The following ADAM12 variants were observed in gnomAD, a reference collection of about 807,000 sequenced individuals.
ADAM12 encodes the protein disintegrin and metalloproteinase domain-containing protein 12.
A neutral mutation model predicts 106.4 loss-of-function variants in ADAM12; 70 were observed. The observed-to-expected ratio is 0.66, with a 90% CI of 0.54 to 0.80. ADAM12 has a LOEUF of 0.80. Among genes scored for constraint, ADAM12 ranks in the 30% least tolerant of loss-of-function variants. The probability of loss-of-function intolerance (pLI) is 0.00; values close to 1 mark genes in which losing one functional copy is unlikely to be tolerated. For missense variants in ADAM12, 1,010 were observed against 1,171.9 expected (o/e 0.86, Z 2.02); for synonymous variants, 420 against 433.5 (o/e 0.97, Z 0.39).
chr10:126,144,775 T>G (rs987077448), intron 4 of ADAM12, among the ~76,000 whole-genome samples: 2 of 152,160 alleles, frequency 1.3e-5, no homozygotes, highest in Non-Finnish European at 2.9e-5. Flanking sequence ...TGGTACAGCG[T>G]GGGGAAGAAC....
intron 2 of ADAM12, among the ~76,000 whole-genome samples, chr10:126,326,230 A>G (rs1433363468): frequency 6.6e-6 from 1 of 151,278 alleles, no homozygotes; most frequent in Non-Finnish European, 1.5e-5. Context: ...AGAAATCTGC[A>G]TGGACCTGCC....
intron 2 of ADAM12, among the ~76,000 whole-genome samples, chr10:126,289,920 C>T (rs1960070113): frequency 6.6e-6 from 1 of 152,158 alleles, no homozygotes. Flanking sequence ...GATGTGCTAA[C>T]CCTTGGAATG....
At chr10:126,181,955 C>A (rs1368202503) in intron 3 of ADAM12, among the ~76,000 whole-genome samples, 1 of 152,152 alleles carries the variant, frequency 6.6e-6, no homozygotes, top group Non-Finnish European at 1.5e-5. Flanking sequence ...TAGTCTGCTG[C>A]CTACACAATG....
rs771332764 is a variant in ADAM12, at chr10:126,036,230, C to T, written c.2445G>A (p.Val815=). ...GTGGAGCCCGGTGGAGGGGAGGAAG[C>T]ACTCGCTGAGTTGACTGGGGCTGAG... The part of the protein sequence containing the change: ...NVPQPQSTQR[V]LPPLHRAPRA... Residue 815 remains valine, a synonymous_variant, in exon 21 of 23, where the codon GTG becomes GTA. Transcript: ENST00000448723. The T allele has an allele frequency of 6.5e-7, 1 of 1,550,012 alleles. No individual in the cohort carries two copies. The highest frequency in any genetic ancestry group is 1.4e-5 in the African/African-American group (1 of 70,750).
At chr10:126,253,039 T>G (rs1958817303) in intron 3 of ADAM12, among the ~76,000 whole-genome samples, 1 of 152,242 alleles carries the variant, frequency 6.6e-6, no homozygotes, top group Admixed American at 6.5e-5. Flanking sequence ...TTATAGCTAC[T>G]GTCACATAAC....
At chr10:126,182,916 C>A (rs1957339624) in intron 3 of ADAM12, among the ~76,000 whole-genome samples, 1 of 152,242 alleles carries the variant, frequency 6.6e-6, no homozygotes, top group South Asian at 2.1e-4. Flanking sequence ...CGATACCTGT[C>A]CGTGGCCTGT....
intron 3 of ADAM12, among the ~76,000 whole-genome samples, chr10:126,251,627 T>G (rs1219252515): frequency 1.3e-5 from 1 of 75,216 alleles, no homozygotes; most frequent in African/African-American, 4.9e-5. Flanking sequence ...GATAGATGAA[T>G]GGATGGGATG....
rs576673017 is a variant in ADAM12, at chr10:126,142,281, C to A, written c.340-6621G>T. Among the ~76,000 whole-genome samples the A allele has an allele frequency of 2.1e-4, 32 of 152,158 alleles. No individual in the cohort carries two copies. The South Asian group carries it at 4.4e-3, about 21-fold the overall frequency. On this transcript the variant is annotated intron_variant, in intron 4 of 22. Transcript: ENST00000448723. ...TCTCACAGCCTTCAGAGCTGAGAGC[C>A]CTGAACAGAGATTTACCCACGTATT...
chr10:126,120,979 A>ATATGCC, intron 5 of ADAM12, among the ~76,000 whole-genome samples: 1 of 134,842 alleles, frequency 7.4e-6, no homozygotes, highest in Non-Finnish European at 1.5e-5. Flanking sequence ...TTACATATGC[A>ATATGCC]ATATAGCATA....
chr10:126,026,216 TTAAAC>T (rs1199442148), intron 21 of ADAM12, among the ~76,000 whole-genome samples: 2 of 152,008 alleles, frequency 1.3e-5, no homozygotes, highest in African/African-American at 4.8e-5. Flanking sequence ...AAAACAGACT[TTAAAC>T]CAACAAAGAT....
intron 5 of ADAM12, among the ~76,000 whole-genome samples, chr10:126,127,606 G>A (rs866945093): frequency 1.5e-4 from 23 of 152,326 alleles, no homozygotes; most frequent in Middle Eastern, 3.4e-3. Context: ...AGACCTATAC[G>A]TTGCAGGCAC....
At chr10:126,234,215 G>A (rs1301929701) in intron 3 of ADAM12, among the ~76,000 whole-genome samples, 1 of 152,062 alleles carries the variant, frequency 6.6e-6, no homozygotes, top group African/African-American at 2.4e-5. Context: ...GAGATTCTGC[G>A]TCATTTCTTC....
intron 2 of ADAM12, among the ~76,000 whole-genome samples, chr10:126,303,019 G>A (rs574119482): frequency 6.6e-6 from 1 of 152,306 alleles, no homozygotes; most frequent in South Asian, 2.1e-4. Flanking sequence ...GCAAAGTAGG[G>A]AGCTGGGTGC....
At chr10:126,149,218 G>A (rs1160167668) in intron 4 of ADAM12, among the ~76,000 whole-genome samples, 1 of 152,224 alleles carries the variant, frequency 6.6e-6, no homozygotes, top group African/African-American at 2.4e-5. Context: ...GAAAAGCACA[G>A]AGTCCCGCAC....
chr10:126,076,490 C>G (rs940042369), intron 11 of ADAM12, among the ~76,000 whole-genome samples: 1 of 152,166 alleles, frequency 6.6e-6, no homozygotes, highest in African/African-American at 2.4e-5. Context: ...GAGAAACTGC[C>G]AAACTGCTTT....
chr10:126,355,302 G>T (rs1024807598), intron 1 of ADAM12, among the ~76,000 whole-genome samples: 1 of 152,158 alleles, frequency 6.6e-6, no homozygotes, highest in South Asian at 2.1e-4. Context: ...CTTCTGACAG[G>T]CCAAATACAT....
At chr10:126,246,436 G>A (rs1958630566) in intron 3 of ADAM12, among the ~76,000 whole-genome samples, 1 of 152,118 alleles carries the variant, frequency 6.6e-6, no homozygotes, top group African/African-American at 2.4e-5. Flanking sequence ...AACAAAAAAA[G>A]AAAACTTCAG....
chr10:126,221,043 A>G (rs1055723586), intron 3 of ADAM12, among the ~76,000 whole-genome samples: 25 of 152,376 alleles, frequency 1.6e-4, no homozygotes, highest in African/African-American at 6.0e-4. Flanking sequence ...GGAAGACTTC[A>G]GTTTTGAAGA....
intron 2 of ADAM12, among the ~76,000 whole-genome samples, chr10:126,298,949 G>A (rs139279600): frequency 8.8e-4 from 134 of 152,262 alleles, no homozygotes; most frequent in African/African-American, 3.1e-3. Context: ...AAAGATATTT[G>A]CAGACAAGCA....
Sources: gnomAD v4.1 joint callset for allele counts (sites outside exome capture counted in the v4.1 genomes callset) on GRCh38, gnomAD v4.1.1 for gene constraint, MANE v1.5 for transcripts, NCBI Gene and HGNC (gene_info 2026-07-23, HGNC 2026-07-21) for gene names.